RSRC1: variants seen among roughly 807,000 people sequenced by gnomAD.
RSRC1 encodes serine/Arginine-related protein 53.
RSRC1 carries 39 observed loss-of-function variants against 49.1 expected under a neutral mutation model. The ratio of observed to expected loss-of-function variants is 0.79; its 90% CI spans 0.61 to 1.04. The LOEUF is 1.04. RSRC1 is among the 50% of genes least tolerant of loss of function. The pLI is 0.00. For synonymous variants in RSRC1, 143 were observed against 130.8 expected (o/e 1.09, Z -0.63); for missense variants, 388 against 402.4 (o/e 0.96, Z 0.31).
chr3:158,417,129 C>T (rs1328003736), intron 6 of RSRC1, among the ~76,000 whole-genome samples: 3 of 152,004 alleles, frequency 2.0e-5, no homozygotes, highest in African/African-American at 7.2e-5. Flanking sequence ...TAACATATCA[C>T]TAGTTGAACA....
intron 6 of RSRC1, among the ~76,000 whole-genome samples, chr3:158,434,875 C>G (rs1560041365): frequency 6.6e-6 from 1 of 151,922 alleles, no homozygotes. Context: ...TTTAATTATG[C>G]TCTTCCAGTT....
intron 3 of RSRC1, among the ~76,000 whole-genome samples, chr3:158,129,115 G>A (rs562960788): frequency 1.3e-5 from 2 of 151,842 alleles, no homozygotes; most frequent in South Asian, 2.1e-4. Flanking sequence ...AGTATTCTGC[G>A]CATCTCCTCA....
chr3:158,509,968 A>G (rs573728500), intron 7 of RSRC1, among the ~76,000 whole-genome samples: 10 of 152,212 alleles, frequency 6.6e-5, no homozygotes, highest in Non-Finnish European at 1.5e-4. Context: ...TTGCTGAGGT[A>G]TAAAGTACAC....
chr3:158,431,112 A>G (rs1735752686), intron 6 of RSRC1, among the ~76,000 whole-genome samples: 1 of 151,944 alleles, frequency 6.6e-6, no homozygotes, highest in Admixed American at 6.6e-5. Context: ...TGTGTGGAAC[A>G]GTTTGGGAAA....
intron 4 of RSRC1, among the ~76,000 whole-genome samples, chr3:158,263,739 A>G (rs1337057808): frequency 6.6e-6 from 1 of 152,190 alleles, no homozygotes; most frequent in African/African-American, 2.4e-5. Context: ...AATTGCTTAC[A>G]AAAGTTCTTC....
Position 158,387,584 on chromosome 3 carries a change from C to G in RSRC1, c.583+32676C>G, listed in dbSNP as rs115914487. On this transcript the variant is annotated intron_variant, in intron 6 of 9. Coordinates refer to ENST00000611884, the MANE Select transcript of RSRC1 (RefSeq NM_001271838.2). ...GCACTTAAAATTCCATAGTTTTTCA[C>G]TGGACTCAGTGCCTTAATATCTTTG... 7.6e-3 allele frequency among the ~76,000 whole-genome samples: 1,151 copies of G among 152,230 alleles called. 21 individuals are homozygous for G. Among genetic ancestry groups the G allele is most frequent in the African/African-American group, 0.026 (1,083 of 41,548 alleles).
chr3:158,113,375 T>TG (rs1402007937), intron 1 of RSRC1, among the ~76,000 whole-genome samples: 1 of 150,812 alleles, frequency 6.6e-6, no homozygotes, highest in East Asian at 1.9e-4. Flanking sequence ...TTTTGACTTT[T>TG]TTTTTTTTTT....
intron 6 of RSRC1, among the ~76,000 whole-genome samples, chr3:158,437,906 T>C (rs973359856): frequency 2.0e-5 from 3 of 152,206 alleles, no homozygotes; most frequent in Non-Finnish European, 4.4e-5. Flanking sequence ...CATGACTGTA[T>C]ATTTAGAAAA....
At chr3:158,509,551 A>G (rs1320233075) in intron 7 of RSRC1, among the ~76,000 whole-genome samples, 5 of 152,154 alleles carry the variant, frequency 3.3e-5, no homozygotes, top group Non-Finnish European at 5.9e-5. Flanking sequence ...AAGTAAGCTG[A>G]GGTGGGAGGA....
rs192386876 is a variant in RSRC1 at position 158,528,063 on chromosome 3, A to C, written c.653-9029A>C. Among the ~76,000 whole-genome samples, 597 of 151,994 alleles carry C rather than the reference A, an allele frequency of 3.9e-3. 4 individuals are homozygous for C. Among genetic ancestry groups the C allele is most frequent in the African/African-American group, 0.014 (562 of 41,480 alleles). On this transcript the variant is annotated intron_variant, in intron 7 of 9. Transcript: ENST00000611884. ...CATAGAGATTTACATAGAGGCATTA[A>C]AAAAACAGGCATAGTCAGTCATGGA...
intron 6 of RSRC1, among the ~76,000 whole-genome samples, chr3:158,366,815 T>C (rs1731795046): frequency 6.6e-6 from 1 of 152,194 alleles, no homozygotes; most frequent in Non-Finnish European, 1.5e-5. Flanking sequence ...TTGTGTCCTC[T>C]CTTATTTCCT....
In RSRC1 at chr3:158,504,368, G is replaced by A. The variant is rs117111238; in HGVS notation, c.653-32724G>A. ...GTGATGCTGTCTGTCCATCCAGGTCGGAGCTGCAGTCTAGTCCTGCTTCCC... is the reference window on the plus strand; with the variant it reads ...GTGATGCTGTCTGTCCATCCAGGTCAGAGCTGCAGTCTAGTCCTGCTTCCC... On this transcript the variant is annotated intron_variant, in intron 7 of 9. Transcript: ENST00000611884. 1.4e-3 allele frequency among the ~76,000 whole-genome samples: 211 copies of A among 152,304 alleles called. 3 individuals carry two copies. The East Asian group carries it at 0.035, about 25-fold the overall frequency.
intron 4 of RSRC1, among the ~76,000 whole-genome samples, chr3:158,245,949 C>T (rs919018953): frequency 2.6e-5 from 4 of 152,050 alleles, no homozygotes; most frequent in African/African-American, 9.7e-5. Context: ...TGTAATGAGT[C>T]TTTTAAATAC....
chr3:158,148,659 G>C (rs1424349631), intron 3 of RSRC1, among the ~76,000 whole-genome samples: 3 of 151,896 alleles, frequency 2.0e-5, no homozygotes, highest in Non-Finnish European at 2.9e-5. Context: ...TTTGTGAGTT[G>C]ATTCTGCTGA....
intron 6 of RSRC1, among the ~76,000 whole-genome samples, chr3:158,374,443 T>A (rs887658560): frequency 1.3e-5 from 2 of 152,134 alleles, no homozygotes; most frequent in Non-Finnish European, 2.9e-5. Flanking sequence ...CATTCATAAA[T>A]TGGAAAGGAA....
At chr3:158,191,156 C>G (rs915370649) in intron 3 of RSRC1, among the ~76,000 whole-genome samples, 2 of 151,870 alleles carry the variant, frequency 1.3e-5, no homozygotes, top group Non-Finnish European at 2.9e-5. Context: ...GTGGACACCT[C>G]CCTTTCCAAA....
At chr3:158,266,871 C>A (rs1056105989) in intron 4 of RSRC1, among the ~76,000 whole-genome samples, 1 of 152,086 alleles carries the variant, frequency 6.6e-6, no homozygotes, top group Admixed American at 6.6e-5. Context: ...TCAAATGATT[C>A]TCCTGCCTCA....
chr3:158,446,716 T>G (rs1000454311), intron 6 of RSRC1, among the ~76,000 whole-genome samples: 2 of 152,028 alleles, frequency 1.3e-5, no homozygotes, highest in African/African-American at 4.8e-5. Context: ...TAAATACCAG[T>G]TTTTCTTATC....
chr3:158,527,797 T>A (rs1712135796), intron 7 of RSRC1, among the ~76,000 whole-genome samples: 1 of 151,968 alleles, frequency 6.6e-6, no homozygotes, highest in African/African-American at 2.4e-5. Context: ...CTTGCAAATA[T>A]GTATAATAAT....
Sources: allele counts gnomAD v4.1 joint callset (sites outside exome capture counted in the v4.1 genomes callset), GRCh38; gene constraint gnomAD v4.1.1; transcripts MANE v1.5; gene names NCBI Gene and HGNC (gene_info 2026-07-23, HGNC 2026-07-21).